Variants in ASTN2 observed in about 807,000 individuals in gnomAD.
The protein encoded by ASTN2 is astrotactin 2.
ASTN2 carries 54 observed loss-of-function variants against 139.8 expected under a neutral mutation model. The observed-to-expected ratio is 0.39, with a 90% CI of 0.31 to 0.48. The LOEUF (loss-of-function observed/expected upper bound fraction) is 0.48. ASTN2 is among the 20% of genes least tolerant of loss of function. The pLI, the probability that ASTN2 is intolerant of heterozygous loss-of-function variation, is 0.95. For missense variants in ASTN2, 1,565 were observed against 1,725.1 expected (o/e 0.91, Z 1.64); for synonymous variants, 756 against 719.5 (o/e 1.05, Z -0.81).
At chr9:117,070,206 TG>T (rs1396437329) in intron 5 of ASTN2, among the ~76,000 whole-genome samples, 3 of 133,124 alleles carry the variant, frequency 2.3e-5, no homozygotes, top group Non-Finnish European at 4.8e-5. Flanking sequence ...GCAGGTCTGG[TG>T]GTGACAAAAT....
chr9:117,073,908 G>A lies in ASTN2; in HGVS notation c.1276+22136C>T, dbSNP rs372254391. On this transcript the variant is annotated intron_variant, in intron 5 of 22. Coordinates refer to ENST00000313400, the MANE Select transcript of ASTN2 (RefSeq NM_001365068.1). ...TAGTGGATGAAAGAATAAAATGAAA[G>A]TCAGAGAAAATGGACTCGAGTCTAT... Among the ~76,000 whole-genome samples the A allele has an allele frequency of 7.2e-5, 11 of 152,272 alleles. No individual in the cohort carries two copies. In the East Asian group the frequency reaches 1.9e-3, roughly 27 times the overall value.
chr9:116,957,327 C>T (rs1218302489), intron 10 of ASTN2, among the ~76,000 whole-genome samples: 5 of 152,024 alleles, frequency 3.3e-5, no homozygotes, highest in African/African-American at 7.3e-5. Context: ...AAAGACAATG[C>T]TTTTTGTTTT....
chr9:116,989,851 T>A (rs1156349652), intron 7 of ASTN2, among the ~76,000 whole-genome samples: 1 of 152,194 alleles, frequency 6.6e-6, no homozygotes, highest in Non-Finnish European at 1.5e-5. Flanking sequence ...CCCAAAGTGC[T>A]GGGATTACAG....
At chr9:116,483,196 TC>T (rs1849229248) in intron 20 of ASTN2, among the ~76,000 whole-genome samples, 1 of 152,166 alleles carries the variant, frequency 6.6e-6, no homozygotes, top group Non-Finnish European at 1.5e-5. Context: ...TGTCAGACCT[TC>T]CTGGGACCCA....
At chr9:117,076,070 C>T (rs1032873821) in intron 5 of ASTN2, among the ~76,000 whole-genome samples, 2 of 152,152 alleles carry the variant, frequency 1.3e-5, no homozygotes, top group African/African-American at 2.4e-5. Flanking sequence ...TCTGCCCTTG[C>T]AGGCTTCACA....
intron 13 of ASTN2, among the ~76,000 whole-genome samples, chr9:116,790,764 TC>T (rs1320939787): frequency 2.0e-5 from 3 of 148,840 alleles, no homozygotes; most frequent in Admixed American, 6.8e-5. Context: ...CACCTCTGCC[TC>T]CCAGGTTCAA....
At chr9:116,672,442 C>T (rs724420) in intron 16 of ASTN2, among the ~76,000 whole-genome samples, 11,014 of 152,112 alleles carry the variant, frequency 0.072, 453 homozygotes, top group East Asian at 0.15. Context: ...GTTTTAAACC[C>T]TTACATTTTC....
At chr9:116,494,250 TG>T (rs1849606091) in intron 19 of ASTN2, among the ~76,000 whole-genome samples, 1 of 152,106 alleles carries the variant, frequency 6.6e-6, no homozygotes, top group Non-Finnish European at 1.5e-5. Flanking sequence ...TATGTAGAGA[TG>T]GATGATTAAA....
chr9:117,067,367 T>C (rs1827982515), intron 5 of ASTN2, among the ~76,000 whole-genome samples: 1 of 133,414 alleles, frequency 7.5e-6, no homozygotes, highest in African/African-American at 2.6e-5. Context: ...TTGATCTATA[T>C]CTCTGTTTTG....
At chr9:117,368,980 A>G (rs1829921998) in intron 1 of ASTN2, among the ~76,000 whole-genome samples, 1 of 152,158 alleles carries the variant, frequency 6.6e-6, no homozygotes, top group East Asian at 1.9e-4. Flanking sequence ...CTAAATCATC[A>G]TTTACTTAAG....
chr9:116,945,511 T>A (rs1835370231), intron 10 of ASTN2, among the ~76,000 whole-genome samples: 1 of 152,156 alleles, frequency 6.6e-6, no homozygotes, highest in Non-Finnish European at 1.5e-5. Flanking sequence ...AGCAATCTTT[T>A]ATTCATACAT....
chr9:117,229,925 A>G (rs1431930451), intron 2 of ASTN2, among the ~76,000 whole-genome samples: 1 of 152,130 alleles, frequency 6.6e-6, no homozygotes, highest in East Asian at 1.9e-4. Context: ...GGAGAATTTC[A>G]TGAAGCCAGG....
intron 16 of ASTN2, among the ~76,000 whole-genome samples, chr9:116,721,146 T>C (rs1282203174): frequency 6.6e-6 from 1 of 152,192 alleles, no homozygotes; most frequent in Non-Finnish European, 1.5e-5. Context: ...CATTGCTCTA[T>C]TTTCTTATTC....
chr9:116,517,193 T>C (rs1850686533), intron 19 of ASTN2, among the ~76,000 whole-genome samples: 1 of 152,214 alleles, frequency 6.6e-6, no homozygotes, highest in South Asian at 2.1e-4. Context: ...ACCTCCTGGC[T>C]GGAAGCCAAC....
chr9:116,726,450 C>A (rs1173117734), intron 15 of ASTN2, among the ~76,000 whole-genome samples: 1 of 152,140 alleles, frequency 6.6e-6, no homozygotes, highest in African/African-American at 2.4e-5. Context: ...GGACTCAAAC[C>A]CACTTATGTT....
At chr9:116,686,590 C>G (rs1351391409) in intron 16 of ASTN2, 3 of 1,155,118 alleles carry the variant, frequency 2.6e-6, no homozygotes, top group African/African-American at 3.1e-5. Context: ...TGCCAGATGC[C>G]TAGTGCCCCA....
Position 117,354,863 on chromosome 9 carries a change from C to T in ASTN2, c.442+59634G>A, listed in dbSNP as rs971671126. ...ACTTTTAGGAAAGACTTCCCTGAAT[C>T]CCCAGACTAAAATAAATGCCCTAGT... is the stretch of plus-strand genomic sequence containing the variant. On this transcript the variant is annotated intron_variant, in intron 1 of 22. Coordinates refer to ENST00000313400, the MANE Select transcript of ASTN2 (RefSeq NM_001365068.1). Among the ~76,000 whole-genome samples the T allele has an allele frequency of 3.9e-5, 6 of 152,184 alleles. No homozygotes were observed. In the South Asian group the frequency reaches 1.2e-3, roughly 32 times the overall value.
chr9:117,125,137 CTCT>C (rs766893257), intron 4 of ASTN2, among the ~76,000 whole-genome samples: 1 of 152,184 alleles, frequency 6.6e-6, no homozygotes. Context: ...TACATGCTCC[CTCT>C]TCTTATTACT....
intron 16 of ASTN2, among the ~76,000 whole-genome samples, chr9:116,682,733 G>A (rs1859964495): frequency 6.6e-6 from 1 of 152,064 alleles, no homozygotes; most frequent in Non-Finnish European, 1.5e-5. Context: ...GTAGAGACAT[G>A]GATGAAATTG....
Sources: allele counts gnomAD v4.1 joint callset (sites outside exome capture counted in the v4.1 genomes callset), GRCh38; gene constraint gnomAD v4.1.1; transcripts MANE v1.5; gene names NCBI Gene and HGNC (gene_info 2026-07-23, HGNC 2026-07-21).